GNA11: variants seen among roughly 807,000 people sequenced by gnomAD.
GNA11 encodes G protein subunit alpha 11, also known as guanine nucleotide-binding protein subunit alpha-11.
A neutral mutation model predicts 38.2 loss-of-function variants in GNA11; 8 were observed. That is an observed-to-expected ratio of 0.21 (90% CI 0.12 to 0.38). The LOEUF (loss-of-function observed/expected upper bound fraction) is 0.38. Ranked by LOEUF, GNA11 falls within the 10% of genes least tolerant of loss-of-function variation. The pLI, the probability that GNA11 is intolerant of heterozygous loss-of-function variation, is 1.00. For synonymous variants in GNA11, 211 were observed against 221.4 expected, an observed-to-expected ratio of 0.95 and a Z score of 0.42; for missense variants, 268 against 516.3, an observed-to-expected ratio of 0.52 and a Z score of 4.66.
intron 1 of GNA11, among the ~76,000 whole-genome samples, chr19:3,098,500 C>T (rs1467026390): frequency 6.6e-6 from 1 of 152,218 alleles, no homozygotes. Context: ...TGGTTGGAAA[C>T]GTGGGGACTT....
rs1914102301 is a variant in GNA11, at chr19:3,122,383, G to A, written c.*1204G>A. 1 of 231,588 alleles carries A rather than the reference G, an allele frequency of 4.3e-6. No homozygotes were observed. The highest frequency in any genetic ancestry group is 2.2e-5 in the African/African-American group (1 of 45,306). 14.3% of individuals were successfully genotyped at this position (231,588 alleles called of 1,614,324 possible). On this transcript the variant is annotated 3_prime_UTR_variant, in exon 7 of 7. Transcript: ENST00000078429. This position sits in a 1 kb window ranked among gnomAD's most constrained non-coding sequence, Gnocchi z 7.7. ...TGGCCAGGGGCGCGTGGAAGGTGGT[G>A]GCAGGCACCGGCCTGGGCAGCTTCC... is the stretch of plus-strand genomic sequence containing the variant.
intron 2 of GNA11, among the ~76,000 whole-genome samples, chr19:3,112,618 G>A (rs1913802128): frequency 6.6e-6 from 1 of 152,252 alleles, no homozygotes; most frequent in African/African-American, 2.4e-5. Flanking sequence ...CTTCCTTTGT[G>A]ACAGGGCAGC....
chr19:3,116,189 G>C (rs1001803484), intron 4 of GNA11, among the ~76,000 whole-genome samples: 1 of 152,120 alleles, frequency 6.6e-6, no homozygotes, highest in Non-Finnish European at 1.5e-5. Flanking sequence ...AGGCTGCTCA[G>C]CTGGCTGGAC....
At chr19:3,112,665 C>T (rs1041378283) in intron 2 of GNA11, among the ~76,000 whole-genome samples, 13 of 152,356 alleles carry the variant, frequency 8.5e-5, no homozygotes, top group African/African-American at 2.4e-4. Context: ...CCCAGGGTTC[C>T]GTGAGGGGGA....
intron 1 of GNA11, among the ~76,000 whole-genome samples, chr19:3,103,790 G>A (rs1361286384): frequency 6.6e-6 from 1 of 150,884 alleles, no homozygotes; most frequent in Non-Finnish European, 1.5e-5. Flanking sequence ...CACAAGCTCC[G>A]CCTCCTGATT....
In GNA11 at chr19:3,108,115, G is replaced by A. The variant is rs920005277; in HGVS notation, c.137-2034G>A. 2.6e-5 allele frequency among the ~76,000 whole-genome samples: 4 copies of A among 152,230 alleles called. No individual in the cohort carries two copies. Among genetic ancestry groups the A allele is most frequent in the African/African-American group, 7.2e-5 (3 of 41,454 alleles). ...CACCGGGGCTCCCCACTCGGGATGTGTTGGGTGTTTTGCGAGACCCCCCAC... is the reference window on the plus strand; with the variant it reads ...CACCGGGGCTCCCCACTCGGGATGTATTGGGTGTTTTGCGAGACCCCCCAC... On this transcript the variant is annotated intron_variant, in intron 1 of 6. Coordinates refer to ENST00000078429, the MANE Select transcript of GNA11 (RefSeq NM_002067.5). This position sits in a 1 kb window ranked among gnomAD's most constrained non-coding sequence, Gnocchi z 4.5.
chr19:3,098,259 C>T (rs891514531), intron 1 of GNA11, among the ~76,000 whole-genome samples: 5 of 152,202 alleles, frequency 3.3e-5, no homozygotes, highest in East Asian at 1.9e-4. Flanking sequence ...GCACGTACTG[C>T]GCACTTAGTG....
chr19:3,115,790 G>A (rs1913899280), intron 4 of GNA11, among the ~76,000 whole-genome samples: 1 of 130,502 alleles, frequency 7.7e-6, no homozygotes, highest in African/African-American at 3.3e-5. Context: ...AGGGGAGGGG[G>A]GGGGTCACGG....
At chr19:3,116,661 C>T (rs1034505220) in intron 4 of GNA11, among the ~76,000 whole-genome samples, 1 of 152,230 alleles carries the variant, frequency 6.6e-6, no homozygotes, top group African/African-American at 2.4e-5. Flanking sequence ...GAGCCGTCCC[C>T]GGGTTCTGGT....
At chr19:3,116,530 G>A (rs1035241035) in intron 4 of GNA11, among the ~76,000 whole-genome samples, 1 of 152,212 alleles carries the variant, frequency 6.6e-6, no homozygotes, top group African/African-American at 2.4e-5. Flanking sequence ...CTCATGCAGC[G>A]TCCTCCCCGC....
At position 3,110,405 on chromosome 19, in the gene GNA11, G is replaced by A. The variant is rs947503474; in HGVS notation, c.321+72G>A. Reference sequence around the variant, plus strand: ...GCTTGGTGGTGAGCATGGTGGCCGCGCTGCCAGGGTGGGGCCATGCCGGGG... The same window carrying A: ...GCTTGGTGGTGAGCATGGTGGCCGCACTGCCAGGGTGGGGCCATGCCGGGG... On this transcript the variant is annotated intron_variant, in intron 2 of 6. Transcript: ENST00000078429. The surrounding 1 kb of genome is among the most constrained non-coding windows in gnomAD (Gnocchi z 5.4). 28 of 1,289,718 alleles carry A rather than the reference G, an allele frequency of 2.2e-5. No homozygotes were observed. Among genetic ancestry groups the A allele is most frequent in the Non-Finnish European group, 2.8e-5 (25 of 908,218 alleles). 79.9% of individuals were successfully genotyped at this position (1,289,718 alleles called of 1,614,324 possible). A position where few individuals can be genotyped will look rare whatever the true frequency, so the allele number is the denominator to read the frequency against.
At chr19:3,103,634 T>G (rs1363757324) in intron 1 of GNA11, among the ~76,000 whole-genome samples, 1 of 145,860 alleles carries the variant, frequency 6.9e-6, no homozygotes, top group Non-Finnish European at 1.5e-5. Context: ...CAAGCGTTTC[T>G]CCTGCCTCAG....
At position 3,110,688 on chromosome 19, in the gene GNA11, G is replaced by C. The variant is rs1913753743; in HGVS notation, c.321+355G>C. On this transcript the variant is annotated intron_variant, in intron 2 of 6. Transcript: ENST00000078429. The surrounding 1 kb of genome is among the most constrained non-coding windows in gnomAD (Gnocchi z 5.4). ...TGGGAGTAAGCAGCGTGAGCTCCTG[G>C]TTCCGGCCCCTTCCCCAGGCTGAGC... is the stretch of plus-strand genomic sequence containing the variant. 6.6e-6 allele frequency among the ~76,000 whole-genome samples: 1 copy of C among 152,218 alleles called. No individual in the cohort carries two copies.
chr19:3,096,882 G>T (rs1206341457), intron 1 of GNA11, among the ~76,000 whole-genome samples: 1 of 152,222 alleles, frequency 6.6e-6, no homozygotes, highest in African/African-American at 2.4e-5. Flanking sequence ...CTGTCAGGGG[G>T]TTGGGAGGGC....
intron 2 of GNA11, 120 bp from the exon 3 acceptor site, chr19:3,113,210 T>C (rs1163252552): frequency 2.2e-5 from 20 of 896,676 alleles, no homozygotes; most frequent in Non-Finnish European, 3.6e-5. Context: ...TGGTCCTGAC[T>C]GCACAGCCTG....
chr19:3,097,338 AGCAGTGGGG>A (rs1171155407), intron 1 of GNA11, among the ~76,000 whole-genome samples: 1 of 152,026 alleles, frequency 6.6e-6, no homozygotes, highest in Non-Finnish European at 1.5e-5. Context: ...CCTGCCCCTT[AGCAGTGGGG>A]GCTCCATCCC....
rs1914024944 is a variant in GNA11 at position 3,119,937 on chromosome 19, G to T, written c.889+578G>T. Reference sequence around the variant, plus strand: ...GTGTCAGGGCAGCTGAGCACTGAGGGTCTTCACATGCCCAGCCCTCTCTGG... The same window carrying T: ...GTGTCAGGGCAGCTGAGCACTGAGGTTCTTCACATGCCCAGCCCTCTCTGG... On this transcript the variant is annotated intron_variant, in intron 6 of 6. Transcript: ENST00000078429. The surrounding 1 kb of genome is among the most constrained non-coding windows in gnomAD (Gnocchi z 4.6). Among the ~76,000 whole-genome samples, 1 of 151,644 alleles carries T rather than the reference G, an allele frequency of 6.6e-6. No individual in the cohort carries two copies. Among genetic ancestry groups the T allele is most frequent in the Non-Finnish European group, 1.5e-5 (1 of 67,844 alleles).
chr19:3,095,528 C>T (rs1027821472), intron 1 of GNA11, among the ~76,000 whole-genome samples: 1 of 151,956 alleles, frequency 6.6e-6, no homozygotes, highest in African/African-American at 2.4e-5. Context: ...TGTACACCCC[C>T]CCATCCCCCC....
intron 1 of GNA11, among the ~76,000 whole-genome samples, chr19:3,101,081 C>T (rs989437199): frequency 5.9e-5 from 9 of 152,078 alleles, no homozygotes; most frequent in East Asian, 5.8e-4. Flanking sequence ...CCGCACCGTC[C>T]GGTGGCCCAG....
Sources: allele counts gnomAD v4.1 joint callset (sites outside exome capture counted in the v4.1 genomes callset), GRCh38; gene constraint gnomAD v4.1.1; non-coding constraint Gnocchi (gnomAD v3.1); transcripts MANE v1.5; gene names NCBI Gene and HGNC (gene_info 2026-07-23, HGNC 2026-07-21).